Variants in WWOX observed in about 807,000 individuals in gnomAD.
The protein encoded by WWOX is WW domain containing oxidoreductase.
Under a neutral mutation model 46.2 loss-of-function variants are expected in WWOX, and 69 were observed. The observed-to-expected ratio is 1.49, with a 90% CI of 1.23 to 1.82. The LOEUF (loss-of-function observed/expected upper bound fraction) is 1.82. WWOX is among the 40% of genes most tolerant of loss of function. The probability of loss-of-function intolerance (pLI) is 0.00; values close to 1 mark genes in which losing one functional copy is unlikely to be tolerated. For missense variants in WWOX, 919 were observed against 542.6 expected, an observed-to-expected ratio of 1.69 and a Z score of -6.89; for synonymous variants, 359 against 202.6, an observed-to-expected ratio of 1.77 and a Z score of -6.56.
At position 78,634,873 on chromosome 16, in the gene WWOX, T is replaced by TGC. The variant is rs1555507731; in HGVS notation, c.1056+202125_1056+202126dup. ...GTGTGTGTGTGTGTGTGTGTGTGTGTGCGCGTGCATGTGTATACGCTGGTG... is the reference window on the plus strand; with the variant it reads ...GTGTGTGTGTGTGTGTGTGTGTGTGTGCGCGCGTGCATGTGTATACGCTGGTG... On this transcript the variant is annotated intron_variant, in intron 8 of 8. Transcript: ENST00000566780. Among the ~76,000 whole-genome samples the TGC allele has an allele frequency of 5.0e-3, 702 of 140,798 alleles. 4 individuals carry two copies. Among genetic ancestry groups the TGC allele is most frequent in the African/African-American group, 0.018 (656 of 36,704 alleles). The allele number at this position is 140,798 out of a possible 152,430, so 92.4% of individuals were successfully genotyped here. A position where few individuals can be genotyped will look rare whatever the true frequency, so the allele number is the denominator to read the frequency against.
intron 5 of WWOX, among the ~76,000 whole-genome samples, chr16:78,223,103 C>A (rs780997375): frequency 1.3e-5 from 2 of 152,170 alleles, no homozygotes; most frequent in Non-Finnish European, 2.9e-5. Flanking sequence ...ATTTGGGTAC[C>A]TGCTGCTTGT....
intron 8 of WWOX, among the ~76,000 whole-genome samples, chr16:78,746,100 C>G (rs144015814): frequency 6.6e-6 from 1 of 152,264 alleles, no homozygotes; most frequent in Admixed American, 6.5e-5. Context: ...ATGGTGCAAA[C>G]CAGCATGTGA....
At chr16:78,720,502 G>GA (rs57184925) in intron 8 of WWOX, among the ~76,000 whole-genome samples, 136 of 148,796 alleles carry the variant, frequency 9.1e-4, no homozygotes, top group African/African-American at 3.1e-3. Context: ...TTTTCTTCTG[G>GA]AAAAAATCCT....
At chr16:78,834,573 A>C (rs373855508) in intron 8 of WWOX, among the ~76,000 whole-genome samples, 3 of 152,194 alleles carry the variant, frequency 2.0e-5, no homozygotes, top group East Asian at 3.9e-4. Flanking sequence ...TGCAATGTAG[A>C]ATCCCCATTG....
intron 8 of WWOX, among the ~76,000 whole-genome samples, chr16:78,528,165 A>ATTTTTTTTTTTTTTTTTTTTTT: frequency 1.7e-5 from 1 of 58,400 alleles, no homozygotes; most frequent in Non-Finnish European, 2.8e-5. Context: ...CACCTGGCTA[A>ATTTTTTTTTTTTTTTTTTTTTT]TTTTTTTTTT....
At chr16:78,318,167 ATGTAGTT>A (rs2080392526) in intron 5 of WWOX, among the ~76,000 whole-genome samples, 1 of 152,006 alleles carries the variant, frequency 6.6e-6, no homozygotes, top group Non-Finnish European at 1.5e-5. Context: ...AGAGGGTGAC[ATGTAGTT>A]GATCTTTACT....
chr16:78,613,362 T>C (rs2045944586), intron 8 of WWOX, among the ~76,000 whole-genome samples: 1 of 152,118 alleles, frequency 6.6e-6, no homozygotes, highest in Non-Finnish European at 1.5e-5. Flanking sequence ...GTGTCGCACT[T>C]GGTCATCTGG....
intron 8 of WWOX, among the ~76,000 whole-genome samples, chr16:79,162,332 C>T (rs2050502902): frequency 6.6e-6 from 1 of 152,136 alleles, no homozygotes; most frequent in Non-Finnish European, 1.5e-5. Flanking sequence ...TCCTGCCTTG[C>T]AAGTTTGGAG....
intron 8 of WWOX, among the ~76,000 whole-genome samples, chr16:79,137,537 C>T (rs141524657): frequency 7.9e-4 from 120 of 152,208 alleles, no homozygotes; most frequent in African/African-American, 2.7e-3. Context: ...GGCATTGTCC[C>T]GAGGCAACGT....
At chr16:78,838,898 C>T (rs572326371) in intron 8 of WWOX, among the ~76,000 whole-genome samples, 14 of 152,086 alleles carry the variant, frequency 9.2e-5, no homozygotes, top group Non-Finnish European at 1.8e-4. Context: ...TTGCCAGGGA[C>T]TGGAGAGGAG....
At chr16:78,348,876 G>A (rs35976157) in intron 5 of WWOX, among the ~76,000 whole-genome samples, 4,949 of 119,930 alleles carry the variant, frequency 0.041, 1,386 homozygotes, top group Non-Finnish European at 0.052. Flanking sequence ...TTTTGTGGTG[G>A]TGATACATTA....
At chr16:78,204,733 C>A (rs2036338637) in intron 5 of WWOX, among the ~76,000 whole-genome samples, 1 of 152,114 alleles carries the variant, frequency 6.6e-6, no homozygotes, top group Admixed American at 6.5e-5. Context: ...CTGAGAAATA[C>A]CTGATTACAC....
chr16:78,894,067 C>G (rs1228009710), intron 8 of WWOX, among the ~76,000 whole-genome samples: 5 of 62,136 alleles, frequency 8.0e-5, no homozygotes, highest in Non-Finnish European at 4.5e-5. Context: ...GAGACAGGGT[C>G]TTGCTTTCTT....
At chr16:78,333,043 C>CTTATTTTTTTTTTTTTTTTT in intron 5 of WWOX, among the ~76,000 whole-genome samples, 1 of 57,094 alleles carries the variant, frequency 1.8e-5, no homozygotes, top group Non-Finnish European at 3.8e-5. Context: ...GAGCATTATA[C>CTTATTTTTTTTTTTTTTTTT]TTTTTTTTTT....
At chr16:78,822,963 G>T (rs2051545024) in intron 8 of WWOX, among the ~76,000 whole-genome samples, 1 of 152,008 alleles carries the variant, frequency 6.6e-6, no homozygotes, top group African/African-American at 2.4e-5. Flanking sequence ...ACAGAGAAAA[G>T]AGGCTTCGTG....
chr16:78,541,474 A>G (rs2043893106), intron 8 of WWOX, among the ~76,000 whole-genome samples: 1 of 6,150 alleles, frequency 1.6e-4, no homozygotes, highest in Non-Finnish European at 8.1e-4. Flanking sequence ...ACTCCGTCTC[A>G]AAAAAAAAAA....
intron 5 of WWOX, among the ~76,000 whole-genome samples, chr16:78,363,940 G>A (rs564994579): frequency 6.6e-6 from 1 of 152,216 alleles, no homozygotes; most frequent in Non-Finnish European, 1.5e-5. Flanking sequence ...GCTTCCGGAA[G>A]AATGCCTGTC....
At chr16:78,472,668 G>T (rs1423319700) in intron 8 of WWOX, among the ~76,000 whole-genome samples, 1 of 151,834 alleles carries the variant, frequency 6.6e-6, no homozygotes, top group Non-Finnish European at 1.5e-5. Context: ...AATTAGCCAG[G>T]AATGGTGGTA....
At chr16:78,755,121 C>T (rs961794099) in intron 8 of WWOX, among the ~76,000 whole-genome samples, 2 of 151,166 alleles carry the variant, frequency 1.3e-5, no homozygotes, top group Admixed American at 6.6e-5. Flanking sequence ...ACCTAGATGA[C>T]GGGTTGATAG....
Sources: gnomAD v4.1 joint callset for allele counts (sites outside exome capture counted in the v4.1 genomes callset) on GRCh38, gnomAD v4.1.1 for gene constraint, MANE v1.5 for transcripts, NCBI Gene and HGNC (gene_info 2026-07-23, HGNC 2026-07-21) for gene names.